Variants in EGFR observed in about 807,000 individuals in gnomAD.
The protein encoded by EGFR is epidermal growth factor receptor, also known as avian erythroblastic leukemia viral (v-erb-b) oncogene homolog.
In EGFR, 58 loss-of-function variants were observed where a neutral mutation model predicts 143.0. The observed-to-expected ratio is 0.41, with a 90% confidence interval of 0.33 to 0.50. The LOEUF is 0.50. Among genes scored for constraint, EGFR ranks in the 20% least tolerant of loss-of-function variants. The pLI is 0.39. For missense variants in EGFR, 1,307 were observed against 1,579.0 expected, an observed-to-expected ratio of 0.83 and a Z score of 2.92; for synonymous variants, 613 against 594.4, an observed-to-expected ratio of 1.03 and a Z score of -0.45.
rs1785669564 is a variant in EGFR at position 55,160,972 on chromosome 7, G to A, written c.1499-527G>A. ...GTGTAAAACCCTTCCATGGTGCCTA[G>A]CACACAGCACACAGCCAATGGCCCA... On this transcript the variant is annotated intron_variant, in intron 12 of 27. Coordinates refer to ENST00000275493, the MANE Select transcript of EGFR (RefSeq NM_005228.5). Among the ~76,000 whole-genome samples, 2 of 152,222 alleles carry A rather than the reference G, an allele frequency of 1.3e-5. 1 individual carries two copies. Among genetic ancestry groups the A allele is most frequent in the South Asian group, 4.1e-4 (2 of 4,830 alleles).
chr7:55,101,073 C>T (rs1436719554), intron 1 of EGFR, among the ~76,000 whole-genome samples: 3 of 152,230 alleles, frequency 2.0e-5, no homozygotes, highest in African/African-American at 4.8e-5. Context: ...GCAGCCTCCT[C>T]CGAGCAACCC....
At chr7:55,158,726 G>T (rs892840044) in intron 11 of EGFR, among the ~76,000 whole-genome samples, 8 of 152,188 alleles carry the variant, frequency 5.3e-5, no homozygotes, top group Non-Finnish European at 1.0e-4. Context: ...CTGAGACAGG[G>T]TGGCCACACG....
intron 1 of EGFR, among the ~76,000 whole-genome samples, chr7:55,129,650 C>T (rs1426629599): frequency 6.6e-6 from 1 of 152,230 alleles, no homozygotes; most frequent in Non-Finnish European, 1.5e-5. Flanking sequence ...CTGCCCTGCA[C>T]ACAAACACAC....
intron 1 of EGFR, among the ~76,000 whole-genome samples, chr7:55,078,262 C>A (rs1470404411): frequency 6.6e-6 from 1 of 152,136 alleles, no homozygotes; most frequent in Admixed American, 6.5e-5. Flanking sequence ...CACCCCAAGC[C>A]CCGCGTCCCG....
intron 1 of EGFR, among the ~76,000 whole-genome samples, chr7:55,131,218 T>C (rs1256068841): frequency 1.3e-5 from 2 of 152,104 alleles, no homozygotes; most frequent in Non-Finnish European, 2.9e-5. Context: ...CACTGACATG[T>C]GCCAGTAACA....
chr7:55,152,795 C>A, intron 6 of EGFR, 131 bp downstream of exon 6: 1 of 727,484 alleles, frequency 1.4e-6, no homozygotes, highest in Non-Finnish European at 2.3e-6. Context: ...ATATTGCCCT[C>A]TGCCTGGTGA....
chr7:55,159,027 G>A (rs995321617), intron 11 of EGFR, among the ~76,000 whole-genome samples: 2 of 152,194 alleles, frequency 1.3e-5, no homozygotes, highest in Non-Finnish European at 2.9e-5. Context: ...CCAGCCTGGG[G>A]TCAGATGAGA....
intron 1 of EGFR, among the ~76,000 whole-genome samples, chr7:55,120,205 C>T (rs1793116501): frequency 6.6e-6 from 1 of 152,168 alleles, no homozygotes; most frequent in African/African-American, 2.4e-5. Flanking sequence ...ACAGGATGAC[C>T]AAGAGCACTC....
intron 1 of EGFR, among the ~76,000 whole-genome samples, chr7:55,071,396 A>G (rs1789819297): frequency 6.6e-6 from 1 of 152,220 alleles, no homozygotes; most frequent in Non-Finnish European, 1.5e-5. Flanking sequence ...TATTTTGCCT[A>G]TTCTTTTTTC....
At chr7:55,125,917 CCTTA>C (rs1458929977) in intron 1 of EGFR, among the ~76,000 whole-genome samples, 2 of 152,186 alleles carry the variant, frequency 1.3e-5, no homozygotes, top group Non-Finnish European at 2.9e-5. Context: ...AATCTAAAGT[CCTTA>C]CAAGCCTTGC....
At chr7:55,126,260 G>A (rs1357244993) in intron 1 of EGFR, among the ~76,000 whole-genome samples, 3 of 152,204 alleles carry the variant, frequency 2.0e-5, no homozygotes, top group African/African-American at 7.2e-5. Flanking sequence ...CTGAGGGCAG[G>A]AACAGCATTG....
chr7:55,113,195 G>A (rs925615608), intron 1 of EGFR, among the ~76,000 whole-genome samples: 1 of 152,130 alleles, frequency 6.6e-6, no homozygotes, highest in African/African-American at 2.4e-5. Flanking sequence ...AGGAAGCTCC[G>A]TGAATGAAAA....
chr7:55,127,932 G>A (rs4947979), intron 1 of EGFR, among the ~76,000 whole-genome samples: 118,651 of 152,184 alleles, frequency 0.78, 46,646 homozygotes, highest in East Asian at 0.99. Flanking sequence ...AGGGCCTTGC[G>A]GGAGCCAGTA....
At chr7:55,121,504 G>T (rs865960535) in intron 1 of EGFR, among the ~76,000 whole-genome samples, 2 of 152,178 alleles carry the variant, frequency 1.3e-5, no homozygotes, top group Admixed American at 1.3e-4. Flanking sequence ...TGCCCTTCGA[G>T]AGCTGTCATT....
At chr7:55,170,970 T>C in intron 15 of EGFR, 1 of 1,447,736 alleles carries the variant, frequency 6.9e-7, no homozygotes, top group Non-Finnish European at 9.0e-7. Context: ...GAGTAGAAAC[T>C]CAAAAATATT....
intron 1 of EGFR, among the ~76,000 whole-genome samples, chr7:55,080,677 G>A (rs1427049699): frequency 6.6e-6 from 1 of 152,126 alleles, no homozygotes; most frequent in Admixed American, 6.5e-5. Context: ...ATTGCTAAGA[G>A]AGTAGATTTT....
At chr7:55,022,054 T>C (rs1329677908) in intron 1 of EGFR, among the ~76,000 whole-genome samples, 1 of 152,170 alleles carries the variant, frequency 6.6e-6, no homozygotes, top group Non-Finnish European at 1.5e-5. Context: ...CTCATGACGA[T>C]GAGCCTGTCT....
intron 20 of EGFR, among the ~76,000 whole-genome samples, chr7:55,183,940 G>A (rs1449585169): frequency 1.3e-5 from 2 of 152,216 alleles, no homozygotes; most frequent in Non-Finnish European, 1.5e-5. Context: ...ATGGTGGAGA[G>A]GTGGTCGGGC....
At chr7:55,084,154 C>T (rs553419447) in intron 1 of EGFR, among the ~76,000 whole-genome samples, 2 of 152,348 alleles carry the variant, frequency 1.3e-5, no homozygotes, top group Admixed American at 6.5e-5. Flanking sequence ...CTTAAAACAA[C>T]ACACACTTCT....
Sources: allele counts gnomAD v4.1 joint callset (sites outside exome capture counted in the v4.1 genomes callset), GRCh38; gene constraint gnomAD v4.1.1; transcripts MANE v1.5; gene names NCBI Gene and HGNC (gene_info 2026-07-23, HGNC 2026-07-21).